The following ZNF641 variants were observed in gnomAD, a reference collection of about 807,000 sequenced individuals.
ZNF641 encodes the protein zinc finger protein 641.
Under a neutral mutation model 46.2 loss-of-function variants are expected in ZNF641, and 26 were observed. That is an observed-to-expected ratio of 0.56 (90% confidence interval 0.41 to 0.78). The LOEUF is 0.78. Ranked by LOEUF, ZNF641 falls within the 30% of genes least tolerant of loss-of-function variation. ZNF641 has a pLI of 0.00. For missense variants in ZNF641, 469 were observed against 517.8 expected (o/e 0.91, Z 0.91); for synonymous variants, 163 against 187.9 (o/e 0.87, Z 1.09).
In ZNF641 at chr12:48,338,570, A is replaced by C. The variant is rs1952651261; in HGVS notation, c.*4403T>G. On this transcript the variant is annotated 3_prime_UTR_variant, in exon 6 of 6. Coordinates refer to ENST00000547026, the MANE Select transcript of ZNF641 (RefSeq NM_001172681.2). Reference sequence around the variant, plus strand: ...AGGAGGTAGCAGGGTCAGAGACTGCAAGGCAGATTCCTCCCCACAGCCTGA... The same window carrying C: ...AGGAGGTAGCAGGGTCAGAGACTGCCAGGCAGATTCCTCCCCACAGCCTGA... 6.6e-6 allele frequency: 1 copy of C among 152,266 alleles called. No homozygotes were observed. The highest frequency in any genetic ancestry group is 1.5e-5 in the Non-Finnish European group (1 of 68,084). The allele number at this position is 152,266 out of a possible 1,614,324, so 9.4% of individuals were successfully genotyped here. A position where few individuals can be genotyped will look rare whatever the true frequency, so the allele number is the denominator to read the frequency against.
chr12:48,340,464 G>A lies in ZNF641; in HGVS notation c.*2509C>T, dbSNP rs1430946338. On this transcript the variant is annotated 3_prime_UTR_variant, in exon 6 of 6. Coordinates refer to ENST00000547026, the MANE Select transcript of ZNF641 (RefSeq NM_001172681.2). Reference sequence around the variant, plus strand: ...GCATGTCAGATCTTTTTGAAAACCAGAGAGTAGAATGTAAGCAATACCCTT... The same window carrying A: ...GCATGTCAGATCTTTTTGAAAACCAAAGAGTAGAATGTAAGCAATACCCTT... 1 of 985,324 alleles carries A rather than the reference G, an allele frequency of 1.0e-6. No homozygotes were observed. Among genetic ancestry groups the A allele is most frequent in the Non-Finnish European group, 1.2e-6 (1 of 829,938 alleles). 61.0% of individuals were successfully genotyped at this position (985,324 alleles called of 1,614,324 possible).
In ZNF641 at chr12:48,340,098, G is replaced by GA. The variant is rs1952684967; in HGVS notation, c.*2874dup. 2 of 985,308 alleles carry GA rather than the reference G, an allele frequency of 2.0e-6. No homozygotes were observed. Among genetic ancestry groups the GA allele is most frequent in the Non-Finnish European group, 1.2e-6 (1 of 829,930 alleles). The allele number at this position is 985,308 out of a possible 1,614,324, so 61.0% of individuals were successfully genotyped here. A position where few individuals can be genotyped will look rare whatever the true frequency, so the allele number is the denominator to read the frequency against. ...AACATTTGAGGCTGATTCCCTGTGG[G>GA]AAAAATCATTCAAATCTATTCACTC... is the stretch of plus-strand genomic sequence containing the variant. On this transcript the variant is annotated 3_prime_UTR_variant, in exon 6 of 6. Transcript: ENST00000547026.
chr12:48,336,419 A>T (rs1015725416), downstream of ZNF641, among the ~76,000 whole-genome samples: 2 of 152,216 alleles, frequency 1.3e-5, no homozygotes, highest in Admixed American at 6.5e-5. Context: ...GCCCAAGGGC[A>T]ACAAAACAAT....
chr12:48,343,612 C>A lies in ZNF641; in HGVS notation c.636G>T (p.Trp212Cys). The A allele has an allele frequency of 6.2e-7, 1 of 1,603,028 alleles. No homozygotes were observed. The highest frequency in any genetic ancestry group is 2.2e-5 in the East Asian group (1 of 44,756). The change falls in exon 6 of 6, where the codon TGG (tryptophan) becomes TGT (cysteine). Residue 212 changes from tryptophan to cysteine, a missense_variant. Coordinates refer to ENST00000547026, the MANE Select transcript of ZNF641 (RefSeq NM_001172681.2). ...CTCTGGAGCTGCTGGGCATGGAATCCCAGCTCTCATCATGCTCCGGGTTCC... is the reference window on the plus strand; with the variant it reads ...CTCTGGAGCTGCTGGGCATGGAATCACAGCTCTCATCATGCTCCGGGTTCC... The part of the protein sequence containing the change: ...VLWNPEHDES[W>C]DSMPSSSRGM...
chr12:48,339,305 A>C lies in ZNF641; in HGVS notation c.*3668T>G, dbSNP rs1952668049. ...TGAGGTACCACTGCTTGAAATATGA[A>C]TCCCCTAGCCAGTGGTTCTCAAACT... On this transcript the variant is annotated 3_prime_UTR_variant, in exon 6 of 6. Transcript: ENST00000547026. 1 of 152,160 alleles carries C rather than the reference A, an allele frequency of 6.6e-6. No homozygotes were observed. The highest frequency in any genetic ancestry group is 1.5e-5 in the Non-Finnish European group (1 of 68,022). The allele number at this position is 152,160 out of a possible 1,614,324, so 9.4% of individuals were successfully genotyped here.
At position 48,340,444 on chromosome 12, in the gene ZNF641, T is replaced by A; in HGVS notation, c.*2529A>T. 1.0e-6 allele frequency: 1 copy of A among 985,480 alleles called. No homozygotes were observed. Among genetic ancestry groups the A allele is most frequent in the Non-Finnish European group, 1.2e-6 (1 of 829,944 alleles). The allele number at this position is 985,480 out of a possible 1,614,324, so 61.0% of individuals were successfully genotyped here. A position where few individuals can be genotyped will look rare whatever the true frequency, so the allele number is the denominator to read the frequency against. The stretch of plus-strand genomic sequence containing the variant: ...GTGAGGAGCTGGATTTGTCAGCATG[T>A]CAGATCTTTTTGAAAACCAGAGAGT... On this transcript the variant is annotated 3_prime_UTR_variant, in exon 6 of 6. Transcript: ENST00000547026.
chr12:48,350,988 G>GGGAGGGGGAGGGAGA (rs1565997393), upstream of ZNF641: 5 of 223,250 alleles, frequency 2.2e-5, no homozygotes, highest in Admixed American at 1.4e-4. Context: ...CGGAGGTGCG[G>GGGAGGGGGAGGGAGA]GGAGTGGGAG....
Position 48,345,406 on chromosome 12 carries a change from A to C in ZNF641, c.345T>G (p.Ser115=), listed in dbSNP as rs1232411213. The C allele has an allele frequency of 1.9e-6, 3 of 1,614,178 alleles. No homozygotes were observed. In the South Asian group the frequency reaches 3.3e-5, roughly 18 times the overall value. ...CATATTCTCCATAAAAGTCTGTCTG[A>C]GAGGGGTCCAGGCTCCGCCACTCCT... The part of the protein sequence containing the change: ...SQEEWRSLDP[S]QTDFYGEYVM... The change falls in exon 4 of 6, where the codon TCT becomes TCG. Residue 115 remains serine (S), a synonymous_variant. Coordinates refer to ENST00000547026, the MANE Select transcript of ZNF641 (RefSeq NM_001172681.2).
Position 48,342,135 on chromosome 12 carries a change from C to G in ZNF641, c.*838G>C, listed in dbSNP as rs1952734207. On this transcript the variant is annotated 3_prime_UTR_variant, in exon 6 of 6. Coordinates refer to ENST00000547026, the MANE Select transcript of ZNF641 (RefSeq NM_001172681.2). Reference sequence around the variant, plus strand: ...AAGTTTTTTTTGTTTTTCTGTTTTTCTGTGTGGGCCAGGGCTATTTGGGGG... The same window carrying G: ...AAGTTTTTTTTGTTTTTCTGTTTTTGTGTGTGGGCCAGGGCTATTTGGGGG... 1.0e-6 allele frequency: 1 copy of G among 985,472 alleles called. No individual in the cohort carries two copies. Among genetic ancestry groups the G allele is most frequent in the African/African-American group, 1.7e-5 (1 of 57,342 alleles). The allele number at this position is 985,472 out of a possible 1,614,324, so 61.0% of individuals were successfully genotyped here.
rs1227244142 is a variant in ZNF641 at position 48,341,136 on chromosome 12, G to C, written c.*1837C>G. On this transcript the variant is annotated 3_prime_UTR_variant, in exon 6 of 6. Coordinates refer to ENST00000547026, the MANE Select transcript of ZNF641 (RefSeq NM_001172681.2). ...CAATTCTAGTTGAGTCCAGGACTCTGAGGAGCTGTGATTCACCCAGTTTTT... is the reference window on the plus strand; with the variant it reads ...CAATTCTAGTTGAGTCCAGGACTCTCAGGAGCTGTGATTCACCCAGTTTTT... 9 of 985,358 alleles carry C rather than the reference G, an allele frequency of 9.1e-6. No homozygotes were observed. Among genetic ancestry groups the C allele is most frequent in the Non-Finnish European group, 6.0e-6 (5 of 829,952 alleles). 61.0% of individuals were successfully genotyped at this position (985,358 alleles called of 1,614,324 possible). A position where few individuals can be genotyped will look rare whatever the true frequency, so the allele number is the denominator to read the frequency against.
chr12:48,342,198 A>C lies in ZNF641; in HGVS notation c.*775T>G. 8 of 985,432 alleles carry C rather than the reference A, an allele frequency of 8.1e-6. No individual in the cohort carries two copies. Among genetic ancestry groups the C allele is most frequent in the Non-Finnish European group, 9.6e-6 (8 of 829,944 alleles). The allele number at this position is 985,432 out of a possible 1,614,324, so 61.0% of individuals were successfully genotyped here. A position where few individuals can be genotyped will look rare whatever the true frequency, so the allele number is the denominator to read the frequency against. Reference sequence around the variant, plus strand: ...TCTTAGCCTTGTAGTGTGATCTCTCAGCTGGATATATGTATGTGCAGGATG... The same window carrying C: ...TCTTAGCCTTGTAGTGTGATCTCTCCGCTGGATATATGTATGTGCAGGATG... On this transcript the variant is annotated 3_prime_UTR_variant, in exon 6 of 6. Coordinates refer to ENST00000547026, the MANE Select transcript of ZNF641 (RefSeq NM_001172681.2).
At chr12:48,350,051 C>T (rs1035389272) in intron 1 of ZNF641, 2 of 1,614,074 alleles carry the variant, frequency 1.2e-6, no homozygotes, top group African/African-American at 1.3e-5. Context: ...GGTACCTGTC[C>T]TCAGCTTGCA....
intron 1 of ZNF641, 45 bp downstream of exon 1, chr12:48,350,741 G>A (rs955872535): frequency 2.4e-6 from 2 of 836,760 alleles, no homozygotes; most frequent in Non-Finnish European, 2.9e-6. Context: ...GAAGCCAGGC[G>A]TCCCTCCCTC....
Position 48,341,799 on chromosome 12 carries a change from G to C in ZNF641, c.*1174C>G, listed in dbSNP as rs1592140688. On this transcript the variant is annotated 3_prime_UTR_variant, in exon 6 of 6. Coordinates refer to ENST00000547026, the MANE Select transcript of ZNF641 (RefSeq NM_001172681.2). ...TCTGCCAGGGCAAAAGCAATCTGCA[G>C]CCCAGAGATTCAAACCTAGACATAC... 1.0e-6 allele frequency: 1 copy of C among 985,448 alleles called. No individual in the cohort carries two copies. The highest frequency in any genetic ancestry group is 6.1e-5 in the Admixed American group (1 of 16,286). The allele number at this position is 985,448 out of a possible 1,614,324, so 61.0% of individuals were successfully genotyped here. A position where few individuals can be genotyped will look rare whatever the true frequency, so the allele number is the denominator to read the frequency against.
At chr12:48,347,162 G>A in intron 3 of ZNF641, 90 bp downstream of exon 3, 1 of 1,603,502 alleles carries the variant, frequency 6.2e-7, no homozygotes, top group Non-Finnish European at 8.5e-7. Flanking sequence ...TGATGATCAT[G>A]TGAGCCAACT....
intron 1 of ZNF641, 141 bp from the exon 2 acceptor site, chr12:48,348,256 A>G: frequency 1.2e-6 from 1 of 836,836 alleles, no homozygotes; most frequent in African/African-American, 1.7e-5. Context: ...TAAAAGCTTG[A>G]TGTGTTCCGA....
Position 48,341,647 on chromosome 12 carries a change from C to G in ZNF641, c.*1326G>C. ...TCAAACCAGTGATGGCAACAACTTGCAAACACGTAATTCCTGCCCTAATTT... is the reference window on the plus strand; with the variant it reads ...TCAAACCAGTGATGGCAACAACTTGGAAACACGTAATTCCTGCCCTAATTT... On this transcript the variant is annotated 3_prime_UTR_variant, in exon 6 of 6. Transcript: ENST00000547026. 7 of 985,446 alleles carry G rather than the reference C, an allele frequency of 7.1e-6. No homozygotes were observed. The highest frequency in any genetic ancestry group is 8.4e-6 in the Non-Finnish European group (7 of 829,936). 61.0% of individuals were successfully genotyped at this position (985,446 alleles called of 1,614,324 possible). A position where few individuals can be genotyped will look rare whatever the true frequency, so the allele number is the denominator to read the frequency against.
In ZNF641 at chr12:48,342,272, G is replaced by A. The variant is rs986779438; in HGVS notation, c.*701C>T. On this transcript the variant is annotated 3_prime_UTR_variant, in exon 6 of 6. Transcript: ENST00000547026. ...AAAGGTTATTTTTTCAGCAGGTGAGGGTGAGAGGTGATGTATATACTGCTG... is the reference window on the plus strand; with the variant it reads ...AAAGGTTATTTTTTCAGCAGGTGAGAGTGAGAGGTGATGTATATACTGCTG... 4 of 985,290 alleles carry A rather than the reference G, an allele frequency of 4.1e-6. No homozygotes were observed. In the African/African-American group the frequency reaches 5.2e-5, roughly 13 times the overall value. 61.0% of individuals were successfully genotyped at this position (985,290 alleles called of 1,614,324 possible). A position where few individuals can be genotyped will look rare whatever the true frequency, so the allele number is the denominator to read the frequency against.
intron 3 of ZNF641, 104 bp from the exon 4 acceptor site, chr12:48,345,578 T>A: frequency 6.8e-7 from 1 of 1,460,798 alleles, no homozygotes; most frequent in Non-Finnish European, 9.4e-7. Context: ...AGAAATGATC[T>A]GAGAAAAGAG....
Sources: allele counts gnomAD v4.1 joint callset (sites outside exome capture counted in the v4.1 genomes callset), GRCh38; gene constraint gnomAD v4.1.1; transcripts MANE v1.5; gene names NCBI Gene and HGNC (gene_info 2026-07-23, HGNC 2026-07-21).